Variants in SYK observed in about 807,000 individuals in gnomAD.
SYK encodes the protein spleen associated tyrosine kinase, also known as tyrosine-protein kinase SYK.
SYK carries 16 observed loss-of-function variants against 77.8 expected under a neutral mutation model. The observed-to-expected ratio is 0.21, with a 90% CI of 0.14 to 0.31. The LOEUF (loss-of-function observed/expected upper bound fraction) is 0.31. SYK is among the 10% of genes least tolerant of loss of function. SYK has a pLI of 1.00. For missense variants in SYK, 529 were observed against 814.4 expected (o/e 0.65, Z 4.26); for synonymous variants, 312 against 308.7 (o/e 1.01, Z -0.11).
At chr9:90,891,126 G>T (rs539540070) in intron 13 of SYK, among the ~76,000 whole-genome samples, 6 of 146,784 alleles carry the variant, frequency 4.1e-5, no homozygotes, top group Admixed American at 1.3e-4. Context: ...CTCCTTGGCC[G>T]ACGCCATGTT....
intron 1 of SYK, among the ~76,000 whole-genome samples, chr9:90,841,492 G>A (rs1012289630): frequency 6.6e-5 from 4 of 60,270 alleles, no homozygotes; most frequent in Non-Finnish European, 1.6e-4. Context: ...GTGCATGTGT[G>A]GTATGTGTCC....
Position 90,884,217 on chromosome 9 carries a change from GCATATACA to G in SYK, c.1582-3527_1582-3520del, listed in dbSNP as rs1468230919. On this transcript the variant is annotated intron_variant, in intron 11 of 13. Coordinates refer to ENST00000375754, the MANE Select transcript of SYK (RefSeq NM_003177.7). ...CATACACATACGTGTATATATACAC[GCATATACA>G]CATACACATACGTGTATATATACAC... Among the ~76,000 whole-genome samples, 174 of 43,154 alleles carry G rather than the reference GCATATACA, an allele frequency of 4.0e-3. 6 individuals are homozygous for G. The highest frequency in any genetic ancestry group is 5.9e-3 in the Admixed American group (24 of 4,040). 28.3% of individuals were successfully genotyped at this position (43,154 alleles called of 152,430 possible). A position where few individuals can be genotyped will look rare whatever the true frequency, so the allele number is the denominator to read the frequency against.
At chr9:90,821,204 C>A (rs184927853) in intron 1 of SYK, among the ~76,000 whole-genome samples, 15 of 152,314 alleles carry the variant, frequency 9.8e-5, no homozygotes, top group African/African-American at 3.4e-4. Flanking sequence ...TTCTTCTGAA[C>A]CCTCCAAACT....
rs1393489590 is a variant in SYK, at chr9:90,895,399, G to A, written c.1836-129G>A. Reference sequence around the variant, plus strand: ...GTGGGGGGCACAGGGACCACGCTGTGAGCTGCAGGCCCTAGAGTTAGCCAC... The same window carrying A: ...GTGGGGGGCACAGGGACCACGCTGTAAGCTGCAGGCCCTAGAGTTAGCCAC... On this transcript the variant is annotated intron_variant, in intron 13 of 13. Coordinates refer to ENST00000375754, the MANE Select transcript of SYK (RefSeq NM_003177.7). The surrounding 1 kb of genome is among the most constrained non-coding windows in gnomAD (Gnocchi z 4.4). 5.5e-6 allele frequency: 5 copies of A among 902,252 alleles called. No individual in the cohort carries two copies. Among genetic ancestry groups the A allele is most frequent in the Middle Eastern group, 5.0e-4 (2 of 3,984 alleles). The allele number at this position is 902,252 out of a possible 1,614,324, so 55.9% of individuals were successfully genotyped here. A position where few individuals can be genotyped will look rare whatever the true frequency, so the allele number is the denominator to read the frequency against.
rs1029862700 is a variant in SYK, at chr9:90,897,936, T to C, written c.*2336T>C. 5 of 227,458 alleles carry C rather than the reference T, an allele frequency of 2.2e-5. No individual in the cohort carries two copies. The highest frequency in any genetic ancestry group is 1.3e-4 in the East Asian group (2 of 15,818). 14.1% of individuals were successfully genotyped at this position (227,458 alleles called of 1,614,324 possible). ...GGGCAAATAGAGAAAGGTAACCTAA[T>C]TGAAGGATTGGTCATGTGAAAAGGG... On this transcript the variant is annotated 3_prime_UTR_variant, in exon 14 of 14. Coordinates refer to ENST00000375754, the MANE Select transcript of SYK (RefSeq NM_003177.7).
chr9:90,886,049 G>A (rs533222218), intron 11 of SYK, among the ~76,000 whole-genome samples: 1 of 152,282 alleles, frequency 6.6e-6, no homozygotes, highest in East Asian at 1.9e-4. Context: ...CTTAAACGTG[G>A]AAGTAAAAGG....
intron 3 of SYK, among the ~76,000 whole-genome samples, chr9:90,850,527 A>T (rs542901698): frequency 6.6e-6 from 1 of 151,518 alleles, no homozygotes; most frequent in African/African-American, 2.4e-5. Context: ...AAAAATATAT[A>T]TATTATTATT....
chr9:90,864,472 C>T, intron 4 of SYK, 117 bp from the exon 5 acceptor site: 4 of 827,940 alleles, frequency 4.8e-6, no homozygotes, highest in Non-Finnish European at 7.8e-6. Flanking sequence ...CACATAAAAG[C>T]ATTTATGTGT....
At chr9:90,815,392 T>G (rs965649644) in intron 1 of SYK, among the ~76,000 whole-genome samples, 1 of 152,232 alleles carries the variant, frequency 6.6e-6, no homozygotes, top group African/African-American at 2.4e-5. Flanking sequence ...CAACCTTGCC[T>G]CACTCCAGGC....
intron 3 of SYK, among the ~76,000 whole-genome samples, chr9:90,849,328 C>G (rs1460923560): frequency 6.6e-6 from 1 of 152,210 alleles, no homozygotes; most frequent in Admixed American, 6.5e-5. Context: ...GATCTCCTGT[C>G]CACCCCACCC....
intron 1 of SYK, among the ~76,000 whole-genome samples, chr9:90,806,524 T>A (rs544792485): frequency 6.6e-6 from 1 of 152,158 alleles, no homozygotes; most frequent in Admixed American, 6.6e-5. Flanking sequence ...CATGATCCAC[T>A]GTGCCCAGCC....
chr9:90,897,979 G>A lies in SYK; in HGVS notation c.*2379G>A, dbSNP rs1273360500. ...GAAAAGGGCTACATTTGGGAAGCTGGGAAAGGCCTCCAGGCTTCTAGAGCA... is the reference window on the plus strand; with the variant it reads ...GAAAAGGGCTACATTTGGGAAGCTGAGAAAGGCCTCCAGGCTTCTAGAGCA... On this transcript the variant is annotated 3_prime_UTR_variant, in exon 14 of 14. Transcript: ENST00000375754. The A allele has an allele frequency of 8.7e-6, 2 of 229,604 alleles. No individual in the cohort carries two copies. Among genetic ancestry groups the A allele is most frequent in the Non-Finnish European group, 8.6e-6 (1 of 115,866 alleles). 14.2% of individuals were successfully genotyped at this position (229,604 alleles called of 1,614,324 possible). A position where few individuals can be genotyped will look rare whatever the true frequency, so the allele number is the denominator to read the frequency against.
chr9:90,863,032 G>A (rs563692056), intron 4 of SYK, among the ~76,000 whole-genome samples: 1 of 152,262 alleles, frequency 6.6e-6, no homozygotes, highest in South Asian at 2.1e-4. Flanking sequence ...AGAAAACCCT[G>A]AAACAACTCC....
intron 1 of SYK, among the ~76,000 whole-genome samples, chr9:90,827,882 A>G (rs1825712082): frequency 6.6e-6 from 1 of 152,252 alleles, no homozygotes; most frequent in South Asian, 2.1e-4. Context: ...AAAGACAATT[A>G]TAAAATCTCA....
chr9:90,834,933 AG>A (rs750354828), intron 1 of SYK, among the ~76,000 whole-genome samples: 2 of 152,242 alleles, frequency 1.3e-5, no homozygotes, highest in Non-Finnish European at 2.9e-5. Context: ...GTTTCCAGTC[AG>A]GGGTAAGTTA....
intron 1 of SYK, among the ~76,000 whole-genome samples, chr9:90,817,882 T>TGTGAGAGAGA (rs1302553724): frequency 3.1e-3 from 210 of 66,878 alleles, no homozygotes; most frequent in African/African-American, 0.011. Flanking sequence ...TGTGTGTGTG[T>TGTGAGAGAGA]GAGAGAGAGA....
chr9:90,864,888 C>CG (rs1481575542), intron 5 of SYK, among the ~76,000 whole-genome samples, 160 bp from the exon 6 acceptor site: 1 of 152,086 alleles, frequency 6.6e-6, no homozygotes, highest in Non-Finnish European at 1.5e-5. Context: ...TCATTGCATG[C>CG]GGGAAAAAGT....
In SYK at chr9:90,878,888, C is replaced by A. The variant is rs1828042492; in HGVS notation, c.1516C>A (p.His506Asn). ...AAGAAATGTGTTGCTAGTTACCCAA[C>A]ATTACGCCAAGATCAGTGATTTCGG... ...AARNVLLVTQ[H>N]YAKISDFGLS... The change falls in exon 11 of 14, where the codon CAT becomes AAT. Residue 506 changes from histidine to asparagine, a missense_variant. His to Asn is a moderately conservative substitution (Grantham distance 68). Around this residue, in one of 2 missense-constraint regions of SYK, gnomAD observed 208 missense variants for 381.3 expected, o/e 0.55. Transcript: ENST00000375754. The A allele has an allele frequency of 6.2e-7, 1 of 1,614,060 alleles. No homozygotes were observed. The highest frequency in any genetic ancestry group is 1.7e-5 in the Admixed American group (1 of 60,006).
chr9:90,877,691 G>C lies in SYK; in HGVS notation c.1302G>C (p.Arg434=), dbSNP rs2290888. 253,875 of 1,614,000 alleles carry C rather than the reference G, an allele frequency of 0.16. 22,623 individuals are homozygous for C. Among genetic ancestry groups the C allele is most frequent in the Admixed American group, 0.38 (22,719 of 60,022 alleles). ...AGCTGGACAACCCGTACATCGTGCG[G>C]ATGATCGGGATATGCGAGGCCGAGT... ...MQQLDNPYIV[R]MIGICEAESW... The change falls in exon 10 of 14, where the codon CGG becomes CGC. Residue 434 remains arginine (R), a synonymous_variant. Coordinates refer to ENST00000375754, the MANE Select transcript of SYK (RefSeq NM_003177.7).
Sources: gnomAD v4.1 joint callset for allele counts (sites outside exome capture counted in the v4.1 genomes callset) on GRCh38, gnomAD v4.1.1 for gene constraint, gnomAD v4.1.1 regional missense constraint, Gnocchi (gnomAD v3.1) non-coding constraint, MANE v1.5 for transcripts, NCBI Gene and HGNC (gene_info 2026-07-23, HGNC 2026-07-21) for gene names.